The following ABCA10 variants were observed in gnomAD, a reference collection of about 807,000 sequenced individuals.
ABCA10 encodes the protein ATP-binding cassette sub-family A member 10.
A neutral mutation model predicts 187.5 loss-of-function variants in ABCA10; 169 were observed. That is an observed-to-expected ratio of 0.90 (90% CI 0.80 to 1.02). The LOEUF is 1.02. Ranked by LOEUF, ABCA10 falls within the 50% of genes least tolerant of loss-of-function variation. ABCA10 has a pLI of 0.00. For missense variants in ABCA10, 1,727 were observed against 1,812.4 expected (o/e 0.95, Z 0.86); for synonymous variants, 574 against 601.8 (o/e 0.95, Z 0.68).
intron 12 of ABCA10, 142 bp downstream of exon 12, chr17:69,194,243 A>C (rs1480373275): frequency 1.3e-6 from 1 of 759,260 alleles, no homozygotes; most frequent in East Asian, 2.7e-5. Context: ...TCATGAATTT[A>C]TGTGCATATG....
intron 1 of ABCA10, among the ~76,000 whole-genome samples, chr17:69,241,850 C>G (rs2074904926): frequency 6.6e-6 from 1 of 152,130 alleles, no homozygotes; most frequent in East Asian, 1.9e-4. Context: ...GTGCTTGATT[C>G]TTAACTGACA....
At chr17:69,221,924 A>C in intron 4 of ABCA10, 29 bp from the exon 5 acceptor site, 4 of 1,515,732 alleles carry the variant, frequency 2.6e-6, no homozygotes, top group Non-Finnish European at 3.6e-6. Flanking sequence ...ACATGTCCAT[A>C]GTTATATAAT....
Position 69,148,477 on chromosome 17 carries a change from AG to A in ABCA10, c.*349del. 5.8e-6 allele frequency: 1 copy of A among 171,826 alleles called. No individual in the cohort carries two copies. Among genetic ancestry groups the A allele is most frequent in the Non-Finnish European group, 1.2e-5 (1 of 80,842 alleles). 10.6% of individuals were successfully genotyped at this position (171,826 alleles called of 1,614,324 possible). On this transcript the variant is annotated 3_prime_UTR_variant, in exon 39 of 39. Transcript: ENST00000690296. Reference sequence around the variant, plus strand: ...AAAATAGCTGATACATTTGAAGTTCAGGCTAAAAACCTCATATTTTTATTTG... The same window carrying A: ...AAAATAGCTGATACATTTGAAGTTCAGCTAAAAACCTCATATTTTTATTTG...
At chr17:69,171,962 T>A (rs1399113281) in intron 25 of ABCA10, among the ~76,000 whole-genome samples, 1 of 145,672 alleles carries the variant, frequency 6.9e-6, no homozygotes, top group Admixed American at 6.8e-5. Context: ...AAGATTGATC[T>A]CAAAAGGGAG....
chr17:69,172,032 A>G (rs1482744587), intron 25 of ABCA10, among the ~76,000 whole-genome samples: 4 of 151,962 alleles, frequency 2.6e-5, no homozygotes, highest in African/African-American at 4.8e-5. Flanking sequence ...TAAAATGTAC[A>G]CAAATCTTTT....
chr17:69,195,008 A>T (rs41496448), intron 11 of ABCA10, among the ~76,000 whole-genome samples: 1 of 152,174 alleles, frequency 6.6e-6, no homozygotes, highest in Non-Finnish European at 1.5e-5. Context: ...TTTATATCAC[A>T]AAAGTGTGGG....
At position 69,152,028 on chromosome 17, in the gene ABCA10, G is replaced by A. The variant is rs745475783; in HGVS notation, c.4397+15C>T. 7.5e-6 allele frequency: 12 copies of A among 1,600,788 alleles called. No individual in the cohort carries two copies. The highest frequency in any genetic ancestry group is 3.5e-5 in the Admixed American group (2 of 56,750). On this transcript the variant is annotated intron_variant, in intron 36 of 38. Transcript: ENST00000690296. ...AACACTCATACTTGTCACTCAAACC[G>A]AAAACATCCTTTACCTTTCCTGCCA...
chr17:69,153,423 C>G (rs748185220), intron 33 of ABCA10, 24 bp from the exon 34 acceptor site: 2 of 1,613,364 alleles, frequency 1.2e-6, no homozygotes, highest in Non-Finnish European at 1.7e-6. Flanking sequence ...AACAGCCCGT[C>G]GGCACCCAGC....
intron 1 of ABCA10, among the ~76,000 whole-genome samples, chr17:69,237,919 T>C (rs2074881701): frequency 6.6e-6 from 1 of 151,988 alleles, no homozygotes; most frequent in Non-Finnish European, 1.5e-5. Context: ...TCCTAGCACT[T>C]TGGGAGGCCA....
At chr17:69,221,717 G>A in intron 5 of ABCA10, 75 bp downstream of exon 5, 1 of 1,305,384 alleles carries the variant, frequency 7.7e-7, no homozygotes, top group Non-Finnish European at 1.1e-6. Context: ...TAAGAGTAAG[G>A]TAGGGGATGA....
At chr17:69,223,044 G>A (rs2074762497) in intron 3 of ABCA10, among the ~76,000 whole-genome samples, 1 of 151,482 alleles carries the variant, frequency 6.6e-6, no homozygotes, top group Non-Finnish European at 1.5e-5. Context: ...CAATTTGAAT[G>A]AGGGGTAGGG....
intron 1 of ABCA10, among the ~76,000 whole-genome samples, chr17:69,240,162 C>T (rs576016145): frequency 5.9e-5 from 9 of 152,346 alleles, no homozygotes; most frequent in Non-Finnish European, 1.2e-4. Context: ...CAGTCCCATG[C>T]ACATTCTCCT....
Position 69,222,125 on chromosome 17 carries a change from C to T in ABCA10, c.200-230G>A, listed in dbSNP as rs555969007. 4.6e-5 allele frequency among the ~76,000 whole-genome samples: 7 copies of T among 151,948 alleles called. No individual in the cohort carries two copies. The South Asian group carries it at 6.2e-4, about 14-fold the overall frequency. On this transcript the variant is annotated intron_variant, in intron 4 of 38. Transcript: ENST00000690296. ...ATCCCACCACTTTGGGAGGCCGAGG[C>T]GGGTGGATCATTTGAGGTCAGGAGT...
Position 69,187,752 on chromosome 17 carries a change from T to G in ABCA10, c.2259A>C (p.Arg753Ser), listed in dbSNP as rs767473587. ...GTGTTGCCACTGCATAGATTTGTCG[T>G]CTCCAGAGAGCTGCACTACTGACAG... ...RKAVSSAALWRRQIYAVATLR... is the reference protein window; with the variant it reads ...RKAVSSAALWSRQIYAVATLR... Residue 753 changes from arginine (R) to serine (S), a missense_variant, in exon 19 of 39, where the codon AGA becomes AGC. Arg to Ser is a moderately radical substitution (Grantham distance 110). Coordinates refer to ENST00000690296, the MANE Select transcript of ABCA10 (RefSeq NM_001377321.1). 11 of 1,613,818 alleles carry G rather than the reference T, an allele frequency of 6.8e-6. No individual in the cohort carries two copies. The East Asian group carries it at 2.5e-4, about 36-fold the overall frequency.
rs765812855 is a variant in ABCA10, at chr17:69,149,078, G to T, written c.4488C>A (p.Thr1496=). The change falls in exon 38 of 39, where the codon ACC becomes ACA. Residue 1496 remains threonine, a synonymous_variant. Transcript: ENST00000690296. ...AFFKLEAMKQ[T]FNLEEYSLSQ... ...AGAGGCTGTATTCCTCCAGGTTGAA[G>T]GTCTGTTTCACTGCATGTAAAGAGA... 67 of 1,613,802 alleles carry T rather than the reference G, an allele frequency of 4.2e-5. No individual in the cohort carries two copies. The highest frequency in any genetic ancestry group is 5.5e-5 in the Non-Finnish European group (65 of 1,179,874).
chr17:69,211,329 A>ATCATATATATACATCATATATATTT (rs1568070277), intron 9 of ABCA10, among the ~76,000 whole-genome samples: 3 of 127,094 alleles, frequency 2.4e-5, no homozygotes, highest in African/African-American at 9.7e-5. Context: ...ATATATATAT[A>ATCATATATATACATCATATATATTT]TATATATATA....
chr17:69,148,950 T>C (rs955108861), intron 38 of ABCA10, 25 bp from the exon 39 acceptor site: 2 of 1,612,390 alleles, frequency 1.2e-6, no homozygotes, highest in African/African-American at 1.3e-5. Context: ...ATAAAAAAGA[T>C]ACAAAAATGT....
At position 69,175,484 on chromosome 17, in the gene ABCA10, T is replaced by A. The variant is rs750426702; in HGVS notation, c.2799A>T (p.Ile933=). Residue 933 remains isoleucine (I), a synonymous_variant, in exon 23 of 39, where the codon ATA becomes ATT. Coordinates refer to ENST00000690296, the MANE Select transcript of ABCA10 (RefSeq NM_001377321.1). ...RDDIVLDLGF[I]DGSIFLLLIT... is the part of the protein sequence containing the mutation. ...TCAACAACAAAAATATGGACCCATC[T>A]ATAAAACCAAGATCCAGCACTATGT... 18 of 1,611,438 alleles carry A rather than the reference T, an allele frequency of 1.1e-5. No homozygotes were observed. The Admixed American group carries it at 3.0e-4, about 27-fold the overall frequency.
chr17:69,230,053 C>T (rs1568077314), upstream of ABCA10, among the ~76,000 whole-genome samples: 2 of 151,992 alleles, frequency 1.3e-5, no homozygotes, highest in Admixed American at 6.6e-5. Context: ...GTCATGAGGG[C>T]TCCACCCTCA....
Sources: gnomAD v4.1 joint callset for allele counts (sites outside exome capture counted in the v4.1 genomes callset) on GRCh38, gnomAD v4.1.1 for gene constraint, MANE v1.5 for transcripts, NCBI Gene and HGNC (gene_info 2026-07-23, HGNC 2026-07-21) for gene names.